Variants in C12orf42 observed in about 807,000 individuals in gnomAD.
C12orf42 encodes uncharacterized protein C12orf42.
In C12orf42, 25 loss-of-function variants were observed where a neutral mutation model predicts 21.6. The observed-to-expected ratio is 1.16, with a 90% CI of 0.84 to 1.62. C12orf42 has a LOEUF of 1.62. Among genes scored for constraint, C12orf42 ranks in the 40% most tolerant of loss-of-function variants. The probability of loss-of-function intolerance (pLI) is 0.00; values close to 1 mark genes in which losing one functional copy is unlikely to be tolerated. For missense variants in C12orf42, 483 were observed against 459.3 expected (o/e 1.05, Z -0.47); for synonymous variants, 174 against 175.0 (o/e 0.99, Z 0.05).
At chr12:103,079,945 A>T in the C12orf42 span, among the ~76,000 whole-genome samples, 3 of 152,220 alleles carry the variant, frequency 2.0e-5, no homozygotes, top group African/African-American at 7.2e-5. Flanking sequence ...TAATATAAGA[A>T]TATAGTCTAT....
chr12:103,504,414 CA>C, the C12orf42 span: 3 of 163,436 alleles, frequency 1.8e-5, no homozygotes, highest in African/African-American at 7.2e-5. Context: ...CTGCCATGGG[CA>C]TGATCATCGT....
At chr12:103,267,872 A>G (rs1394490603), downstream of C12orf42, 4 of 152,312 alleles carry the variant, frequency 2.6e-5, no homozygotes, top group African/African-American at 4.8e-5. Context: ...TCCAGTTCTT[A>G]TATTTAAACA....
the C12orf42 span, among the ~76,000 whole-genome samples, chr12:103,201,629 C>T: frequency 6.6e-6 from 1 of 152,136 alleles, no homozygotes; most frequent in Non-Finnish European, 1.5e-5. Context: ...CAACTCCTCA[C>T]GTAGTTGTAA....
chr12:103,188,608 C>T, the C12orf42 span, among the ~76,000 whole-genome samples: 3 of 152,140 alleles, frequency 2.0e-5, no homozygotes, highest in East Asian at 5.8e-4. Flanking sequence ...TTATGAATGG[C>T]TTGGTGATAT....
At chr12:103,430,042 C>T (rs1950150188) in intron 2 of C12orf42, among the ~76,000 whole-genome samples, 1 of 152,152 alleles carries the variant, frequency 6.6e-6, no homozygotes, top group Admixed American at 6.5e-5. Context: ...TAGGCAATAC[C>T]ATTCAGGACA....
chr12:103,181,698 C>T, the C12orf42 span, among the ~76,000 whole-genome samples: 1 of 152,220 alleles, frequency 6.6e-6, no homozygotes, highest in Non-Finnish European at 1.5e-5. Flanking sequence ...ACAAATTCTA[C>T]TCTGTAGCAG....
chr12:103,342,300 C>A (rs2042234315), intron 4 of C12orf42, among the ~76,000 whole-genome samples: 1 of 152,166 alleles, frequency 6.6e-6, no homozygotes, highest in Non-Finnish European at 1.5e-5. Flanking sequence ...AAGACTTCAA[C>A]TTTTACACCA....
intron 4 of C12orf42, among the ~76,000 whole-genome samples, chr12:103,292,927 C>T (rs371499518): frequency 1.3e-5 from 2 of 151,894 alleles, no homozygotes; most frequent in African/African-American, 4.8e-5. Context: ...TAAATGTTAG[C>T]AATTGACTAG....
At chr12:103,427,896 G>A (rs2139266710) in intron 2 of C12orf42, among the ~76,000 whole-genome samples, 1 of 152,232 alleles carries the variant, frequency 6.6e-6, no homozygotes, top group East Asian at 1.9e-4. Context: ...ACGAAATTAA[G>A]GCAGAAGTAA....
the C12orf42 span, among the ~76,000 whole-genome samples, chr12:103,537,163 T>A: frequency 6.6e-6 from 1 of 152,204 alleles, no homozygotes; most frequent in Non-Finnish European, 1.5e-5. Flanking sequence ...TGGTGTTTTT[T>A]ATTTATGTTC....
chr12:103,060,513 G>A, the C12orf42 span, among the ~76,000 whole-genome samples: 1 of 152,130 alleles, frequency 6.6e-6, no homozygotes, highest in Non-Finnish European at 1.5e-5. Context: ...AGCTCATGCA[G>A]CCAAGAGAAT....
chr12:103,556,474 T>A, the C12orf42 span, among the ~76,000 whole-genome samples: 10 of 152,162 alleles, frequency 6.6e-5, no homozygotes, highest in African/African-American at 2.2e-4. Flanking sequence ...GAGTGTTACT[T>A]TCTCAGAGGC....
chr12:103,272,388 C>A (rs2035524266), intron 5 of C12orf42, among the ~76,000 whole-genome samples: 1 of 152,118 alleles, frequency 6.6e-6, no homozygotes, highest in Non-Finnish European at 1.5e-5. Flanking sequence ...TTACTCCCTA[C>A]CCAGCACCAC....
chr12:103,463,317 A>C (rs1356628657), intron 2 of C12orf42, among the ~76,000 whole-genome samples: 1 of 152,228 alleles, frequency 6.6e-6, no homozygotes, highest in Non-Finnish European at 1.5e-5. Context: ...ACACATCATG[A>C]GGTTAATTTG....
chr12:103,089,101 C>CAAAAAAAAAAAA, the C12orf42 span, among the ~76,000 whole-genome samples: 3 of 54,848 alleles, frequency 5.5e-5, no homozygotes, highest in African/African-American at 7.8e-5. Context: ...GACTCCATCT[C>CAAAAAAAAAAAA]AAAAAAAAAA....
At chr12:103,281,939 GAAAGAAAGA>G (rs1259901374) in intron 4 of C12orf42, among the ~76,000 whole-genome samples, 8 of 151,280 alleles carry the variant, frequency 5.3e-5, no homozygotes, top group Non-Finnish European at 1.2e-4. Flanking sequence ...AAGAAAGAAA[GAAAGAAAGA>G]AAGAAAGAAA....
the C12orf42 span, among the ~76,000 whole-genome samples, chr12:103,150,471 A>G: frequency 6.6e-6 from 1 of 152,362 alleles, no homozygotes; most frequent in East Asian, 1.9e-4. Flanking sequence ...TTGACTGCAC[A>G]CCATAGGCTA....
chr12:103,302,676 G>GAAAT, intron 5 of C12orf42, 117 bp from the exon 6 acceptor site: 16 of 570,560 alleles, frequency 2.8e-5, no homozygotes, highest in African/African-American at 9.0e-5. Context: ...GCTCAGAGGG[G>GAAAT]AAAGAAAAAA....
At chr12:103,389,771 G>A (rs1467856968) in intron 3 of C12orf42, among the ~76,000 whole-genome samples, 3 of 152,170 alleles carry the variant, frequency 2.0e-5, no homozygotes, top group African/African-American at 7.2e-5. Flanking sequence ...AAGATATAGA[G>A]CCCAGAGAAT....
Sources: gnomAD v4.1 joint callset for allele counts (sites outside exome capture counted in the v4.1 genomes callset) on GRCh38, gnomAD v4.1.1 for gene constraint, MANE v1.5 for transcripts, NCBI Gene and HGNC (gene_info 2026-07-23, HGNC 2026-07-21) for gene names.